Variants in CADM2 observed in about 807,000 individuals in gnomAD.
CADM2 encodes the protein cell adhesion molecule 2, also known as immunoglobulin superfamily member 4D.
Under a neutral mutation model 49.8 loss-of-function variants are expected in CADM2, and 12 were observed. The ratio of observed to expected loss-of-function variants is 0.24; its 90% confidence interval spans 0.15 to 0.39. CADM2 has a LOEUF of 0.39. Among genes scored for constraint, CADM2 ranks in the 10% least tolerant of loss-of-function variants. The probability of loss-of-function intolerance (pLI) is 1.00; values close to 1 mark genes in which losing one functional copy is unlikely to be tolerated. For missense variants in CADM2, 378 were observed against 492.3 expected, an observed-to-expected ratio of 0.77 and a Z score of 2.20; for synonymous variants, 214 against 175.4, an observed-to-expected ratio of 1.22 and a Z score of -1.74.
chr3:85,987,285 A>G (rs1728227321), intron 8 of CADM2, among the ~76,000 whole-genome samples: 1 of 152,006 alleles, frequency 6.6e-6, no homozygotes, highest in African/African-American at 2.4e-5. Context: ...AACATCAAAC[A>G]TTTTTTAAAG....
chr3:85,772,623 G>C (rs1190820950), intron 2 of CADM2, among the ~76,000 whole-genome samples: 2 of 152,068 alleles, frequency 1.3e-5, no homozygotes, highest in African/African-American at 4.8e-5. Context: ...AGCAGGGAAT[G>C]TTAACCTCCC....
At chr3:85,696,987 T>A (rs1229306074) in intron 1 of CADM2, among the ~76,000 whole-genome samples, 1 of 151,690 alleles carries the variant, frequency 6.6e-6, no homozygotes, top group Non-Finnish European at 1.5e-5. Flanking sequence ...TCTTTGTGAC[T>A]ATATTACAAG....
At chr3:85,381,947 A>G (rs2033932570) in intron 1 of CADM2, among the ~76,000 whole-genome samples, 1 of 152,108 alleles carries the variant, frequency 6.6e-6, no homozygotes, top group Non-Finnish European at 1.5e-5. Flanking sequence ...TAATCAGCAG[A>G]AAGCCCCTTC....
At chr3:85,463,611 A>G (rs1312282372) in intron 1 of CADM2, among the ~76,000 whole-genome samples, 1 of 152,146 alleles carries the variant, frequency 6.6e-6, no homozygotes, top group Admixed American at 6.5e-5. Flanking sequence ...ATGTGTACAT[A>G]TGAGTGAAAA....
intron 1 of CADM2, among the ~76,000 whole-genome samples, chr3:85,253,903 A>C (rs1039958272): frequency 1.3e-5 from 2 of 152,066 alleles, no homozygotes; most frequent in Non-Finnish European, 2.9e-5. Context: ...TACTCAAGGG[A>C]ACATTTCTGA....
chr3:85,783,676 G>T (rs1484661574), intron 2 of CADM2, among the ~76,000 whole-genome samples: 1 of 152,138 alleles, frequency 6.6e-6, no homozygotes, highest in Non-Finnish European at 1.5e-5. Context: ...TTTTTAAGTA[G>T]CTATCATGGT....
At chr3:85,553,668 T>G (rs2061874909) in intron 1 of CADM2, among the ~76,000 whole-genome samples, 1 of 152,218 alleles carries the variant, frequency 6.6e-6, no homozygotes, top group South Asian at 2.1e-4. Flanking sequence ...GTTCAGCACT[T>G]ACTACCAGAG....
At chr3:85,026,961 G>A (rs1312037715) in intron 1 of CADM2, among the ~76,000 whole-genome samples, 1 of 151,778 alleles carries the variant, frequency 6.6e-6, no homozygotes, top group Non-Finnish European at 1.5e-5. Flanking sequence ...AGTAATTATA[G>A]ACTAACGACA....
intron 1 of CADM2, among the ~76,000 whole-genome samples, chr3:85,413,007 G>A (rs1357652117): frequency 6.6e-6 from 1 of 151,306 alleles, no homozygotes; most frequent in Non-Finnish European, 1.5e-5. Context: ...CAGGCGAGGT[G>A]GCGGGCGCCT....
At chr3:85,732,073 A>G (rs1319085043) in intron 2 of CADM2, among the ~76,000 whole-genome samples, 2 of 137,176 alleles carry the variant, frequency 1.5e-5, no homozygotes, top group Non-Finnish European at 3.1e-5. Flanking sequence ...CATGGTGAAA[A>G]CCCATCTCTA....
intron 1 of CADM2, among the ~76,000 whole-genome samples, chr3:85,550,967 TTTG>T (rs1347452862): frequency 3.5e-4 from 34 of 96,174 alleles, no homozygotes; most frequent in Non-Finnish European, 6.2e-4. Context: ...AATTTATTTA[TTTG>T]TTTGTTTGTT....
chr3:84,972,787 A>C (rs143424751), intron 1 of CADM2, among the ~76,000 whole-genome samples: 4 of 152,372 alleles, frequency 2.6e-5, no homozygotes, highest in African/African-American at 9.6e-5. Context: ...AAAATGCTGG[A>C]TGTATAAATG....
chr3:85,905,869 T>G (rs938929276), intron 5 of CADM2, among the ~76,000 whole-genome samples: 1 of 152,148 alleles, frequency 6.6e-6, no homozygotes, highest in Non-Finnish European at 1.5e-5. Flanking sequence ...TTGTAATATA[T>G]TCAGAAACTT....
intron 1 of CADM2, among the ~76,000 whole-genome samples, chr3:85,598,812 G>A (rs1175207058): frequency 6.6e-6 from 1 of 150,940 alleles, no homozygotes; most frequent in East Asian, 2.0e-4. Flanking sequence ...TCTATATAGT[G>A]TATACATTTG....
chr3:85,364,478 A>C (rs990688748), intron 1 of CADM2, among the ~76,000 whole-genome samples: 1 of 152,196 alleles, frequency 6.6e-6, no homozygotes, highest in Admixed American at 6.5e-5. Context: ...TGAAACCTAC[A>C]AGGACATAAG....
chr3:84,970,658 C>T (rs1248855), intron 1 of CADM2, among the ~76,000 whole-genome samples: 16,164 of 151,928 alleles, frequency 0.11, 1,779 homozygotes, highest in African/African-American at 0.28. Flanking sequence ...AAATAAATGT[C>T]AAATGAAGAT....
At chr3:85,800,999 T>C (rs1024773298) in intron 2 of CADM2, 2 of 152,240 alleles carry the variant, frequency 1.3e-5, no homozygotes, top group Non-Finnish European at 1.5e-5. Context: ...TAAGTCATTA[T>C]AGTGTTCTTG....
At chr3:85,731,823 G>A (rs868426788) in intron 2 of CADM2, among the ~76,000 whole-genome samples, 6 of 151,708 alleles carry the variant, frequency 4.0e-5, no homozygotes, top group South Asian at 2.1e-4. Context: ...ACAAAGAGAG[G>A]CTTATATAAT....
chr3:85,159,569 G>A (rs1368614162), intron 1 of CADM2, among the ~76,000 whole-genome samples: 4 of 152,152 alleles, frequency 2.6e-5, no homozygotes, highest in East Asian at 3.9e-4. Flanking sequence ...TAGTGCTTAT[G>A]TTGTTATCTG....
Sources: allele counts gnomAD v4.1 joint callset (sites outside exome capture counted in the v4.1 genomes callset), GRCh38; gene constraint gnomAD v4.1.1; transcripts MANE v1.5; gene names NCBI Gene and HGNC (gene_info 2026-07-23, HGNC 2026-07-21).